GFI1B: variants seen among roughly 807,000 people sequenced by gnomAD.
GFI1B encodes the protein growth factor independent 1B transcriptional repressor.
A neutral mutation model predicts 35.3 loss-of-function variants in GFI1B; 20 were observed. The ratio of observed to expected loss-of-function variants is 0.57; its 90% CI spans 0.40 to 0.82. GFI1B has a LOEUF of 0.82. GFI1B is among the 40% of genes least tolerant of loss of function. The probability of loss-of-function intolerance (pLI) is 0.00; values close to 1 mark genes in which losing one functional copy is unlikely to be tolerated. For synonymous variants in GFI1B, 178 were observed against 177.6 expected, an observed-to-expected ratio of 1.00 and a Z score of -0.02; for missense variants, 430 against 446.3, an observed-to-expected ratio of 0.96 and a Z score of 0.33.
At chr9:132,965,913 T>C (rs1396706579) in intron 1 of GFI1B, among the ~76,000 whole-genome samples, 1 of 152,190 alleles carries the variant, frequency 6.6e-6, no homozygotes, top group Non-Finnish European at 1.5e-5. Context: ...AAATGTTGAA[T>C]AAATAAAAAT....
rs938644590 is a variant in GFI1B, at chr9:132,986,562, A to G, written c.-20-97A>G. 18 of 725,136 alleles carry G rather than the reference A, an allele frequency of 2.5e-5. No homozygotes were observed. In the African/African-American group the frequency reaches 2.8e-4, roughly 11 times the overall value. 44.9% of individuals were successfully genotyped at this position (725,136 alleles called of 1,614,324 possible). The stretch of plus-strand genomic sequence containing the variant: ...AACTTTGGGGGCCACTGTTCAACCC[A>G]GTATAGCTGGTGTTTTATCTCAGGA... On this transcript the variant is annotated intron_variant, in intron 1 of 6. Coordinates refer to ENST00000372122, the MANE Select transcript of GFI1B (RefSeq NM_001377304.1).
intron 1 of GFI1B, among the ~76,000 whole-genome samples, chr9:132,970,236 G>A (rs923972970): frequency 6.6e-6 from 1 of 152,034 alleles, no homozygotes; most frequent in East Asian, 1.9e-4. Context: ...GCCAAGCCCT[G>A]GGTCCAAGCC....
chr9:132,987,261 G>T (rs1245031472), intron 2 of GFI1B, 21 bp from the exon 3 acceptor site: 1 of 1,612,596 alleles, frequency 6.2e-7, no homozygotes. Context: ...TATTGATGCT[G>T]ATGGTCCTAT....
At chr9:132,983,443 C>T (rs912934707) in intron 1 of GFI1B, among the ~76,000 whole-genome samples, 8 of 152,082 alleles carry the variant, frequency 5.3e-5, no homozygotes, top group African/African-American at 1.9e-4. Flanking sequence ...GATCCGTCCG[C>T]CTCGGCCTCC....
intron 1 of GFI1B, among the ~76,000 whole-genome samples, chr9:132,966,956 G>A (rs1848459316): frequency 6.6e-6 from 1 of 152,198 alleles, no homozygotes; most frequent in Admixed American, 6.6e-5. Context: ...CCAAGACACA[G>A]AGTGCTAGGG....
At chr9:132,982,102 G>T (rs894372904) in intron 1 of GFI1B, among the ~76,000 whole-genome samples, 2 of 152,204 alleles carry the variant, frequency 1.3e-5, no homozygotes, top group African/African-American at 4.8e-5. Context: ...CTCTGTAGCT[G>T]ACCCTGAGAA....
intron 1 of GFI1B, among the ~76,000 whole-genome samples, chr9:132,984,149 A>T (rs1848935756): frequency 6.6e-6 from 1 of 152,296 alleles, no homozygotes; most frequent in South Asian, 2.1e-4. Flanking sequence ...TGATATTTTG[A>T]TAGGCAAACC....
intron 2 of GFI1B, among the ~76,000 whole-genome samples, chr9:132,973,427 C>G (rs1002471043): frequency 2.0e-5 from 3 of 152,234 alleles, no homozygotes; most frequent in African/African-American, 7.2e-5. Context: ...GTGCTGAGGC[C>G]CGGCCCACGC....
At chr9:132,968,751 G>A (rs1848487999) in intron 1 of GFI1B, among the ~76,000 whole-genome samples, 1 of 152,134 alleles carries the variant, frequency 6.6e-6, no homozygotes, top group South Asian at 2.1e-4. Context: ...TTGTGAAAAT[G>A]AAGGCCTCAG....
At chr9:132,953,203 A>G (rs1298770974) in intron 1 of GFI1B, 2 of 152,108 alleles carry the variant, frequency 1.3e-5, no homozygotes, top group Admixed American at 6.5e-5. Context: ...ATTTTTTAGA[A>G]TTCCATTTTA....
chr9:132,984,560 C>G (rs1200197358), intron 1 of GFI1B, among the ~76,000 whole-genome samples: 1 of 152,214 alleles, frequency 6.6e-6, no homozygotes, highest in African/African-American at 2.4e-5. Context: ...AGGGCTTACC[C>G]CGTCCTTTGA....
At chr9:132,976,998 C>T (rs1848649048), upstream of GFI1B, among the ~76,000 whole-genome samples, 1 of 152,122 alleles carries the variant, frequency 6.6e-6, no homozygotes, top group Non-Finnish European at 1.5e-5. Context: ...GCTCTTGTTG[C>T]CCAGGCTGAA....
At chr9:132,982,431 C>T (rs988760912) in intron 1 of GFI1B, among the ~76,000 whole-genome samples, 3 of 152,158 alleles carry the variant, frequency 2.0e-5, no homozygotes. Context: ...TGGCTCCTGC[C>T]AGGGTGCAGG....
chr9:132,984,761 G>C (rs1208171578), intron 1 of GFI1B, among the ~76,000 whole-genome samples: 3 of 152,182 alleles, frequency 2.0e-5, no homozygotes, highest in East Asian at 1.9e-4. Flanking sequence ...GGCTGGGCCT[G>C]AGCTTGGCCC....
chr9:132,977,372 G>C (rs773164516), upstream of GFI1B, among the ~76,000 whole-genome samples: 1 of 152,134 alleles, frequency 6.6e-6, no homozygotes, highest in African/African-American at 2.4e-5. Context: ...CATTACTGAG[G>C]CCTGGTGACC....
At chr9:132,985,323 C>T (rs145306315) in intron 1 of GFI1B, among the ~76,000 whole-genome samples, 1 of 152,274 alleles carries the variant, frequency 6.6e-6, no homozygotes, top group African/African-American at 2.4e-5. Flanking sequence ...CCTGACTCTG[C>T]CTGGGATGGT....
At chr9:132,967,751 CGTGT>C (rs113316641) in intron 1 of GFI1B, among the ~76,000 whole-genome samples, 1 of 151,464 alleles carries the variant, frequency 6.6e-6, no homozygotes, top group Non-Finnish European at 1.5e-5. Context: ...CATATATACA[CGTGT>C]GTGTGTGTGT....
intron 1 of GFI1B, among the ~76,000 whole-genome samples, chr9:132,969,273 C>T (rs1224952163): frequency 3.3e-5 from 5 of 152,182 alleles, no homozygotes; most frequent in Admixed American, 6.5e-5. Flanking sequence ...TCAGGAGATC[C>T]GCCTGCCTCA....
intron 1 of GFI1B, among the ~76,000 whole-genome samples, chr9:132,961,229 G>A (rs1487058785): frequency 6.6e-6 from 1 of 151,922 alleles, no homozygotes; most frequent in Non-Finnish European, 1.5e-5. Flanking sequence ...TAAGTTAGGC[G>A]ACCTCAAAAA....
Sources: gnomAD v4.1 joint callset for allele counts (sites outside exome capture counted in the v4.1 genomes callset) on GRCh38, gnomAD v4.1.1 for gene constraint, MANE v1.5 for transcripts, NCBI Gene and HGNC (gene_info 2026-07-23, HGNC 2026-07-21) for gene names.